The following SCARA5 variants were observed in gnomAD, a reference collection of about 807,000 sequenced individuals.
The protein encoded by SCARA5 is scavenger receptor class A member 5.
SCARA5 carries 45 observed loss-of-function variants against 46.3 expected under a neutral mutation model. The ratio of observed to expected loss-of-function variants is 0.97; its 90% CI spans 0.76 to 1.24. The LOEUF is 1.24. Ranked by LOEUF, SCARA5 falls within the 50% of genes most tolerant of loss-of-function variation. The pLI is 0.00. For synonymous variants in SCARA5, 333 were observed against 306.5 expected, an observed-to-expected ratio of 1.09 and a Z score of -0.90; for missense variants, 680 against 689.0, an observed-to-expected ratio of 0.99 and a Z score of 0.15.
rs1399067563 is a variant in SCARA5 at position 27,926,735 on chromosome 8, G to T, written c.242-4490C>A. Among the ~76,000 whole-genome samples the T allele has an allele frequency of 2.0e-5, 3 of 152,138 alleles. No individual in the cohort carries two copies. The South Asian group carries it at 6.2e-4, about 31-fold the overall frequency. The stretch of plus-strand genomic sequence containing the variant: ...TGTGAGATGGTGAGAATCCTGAGAG[G>T]TTTCTTTCAGGTAAGAAAACCTGAG... On this transcript the variant is annotated intron_variant, in intron 3 of 8. Transcript: ENST00000354914.
intron 7 of SCARA5, among the ~76,000 whole-genome samples, chr8:27,890,672 C>T (rs891463445): frequency 2.6e-5 from 4 of 152,112 alleles, no homozygotes; most frequent in African/African-American, 9.6e-5. Context: ...CAGATCCCAC[C>T]TGCTCAGGGT....
chr8:27,872,442 C>T (rs575708933), intron 8 of SCARA5, among the ~76,000 whole-genome samples: 1 of 152,314 alleles, frequency 6.6e-6, no homozygotes, highest in African/African-American at 2.4e-5. Context: ...AACATTTAAA[C>T]CACTTCCCTG....
chr8:27,944,084 G>A (rs191979669), intron 3 of SCARA5, among the ~76,000 whole-genome samples: 1 of 152,304 alleles, frequency 6.6e-6, no homozygotes, highest in Non-Finnish European at 1.5e-5. Flanking sequence ...TTAAAGGACA[G>A]GATAGCAAGC....
intron 3 of SCARA5, among the ~76,000 whole-genome samples, chr8:27,955,242 G>A (rs1037491035): frequency 1.3e-5 from 2 of 152,178 alleles, no homozygotes; most frequent in Non-Finnish European, 2.9e-5. Flanking sequence ...AACACAGCGA[G>A]GGACCCTGGG....
chr8:27,939,929 A>T (rs1267379653), intron 3 of SCARA5, among the ~76,000 whole-genome samples: 2 of 152,184 alleles, frequency 1.3e-5, no homozygotes. Flanking sequence ...TTGCCCTAGC[A>T]AGAGACTCCC....
At chr8:27,930,173 A>ATGT (rs1429705053) in intron 3 of SCARA5, among the ~76,000 whole-genome samples, 1 of 152,030 alleles carries the variant, frequency 6.6e-6, no homozygotes, top group Non-Finnish European at 1.5e-5. Context: ...TATCTCCCAC[A>ATGT]ATTTCCATGT....
chr8:27,890,714 G>A (rs561857101), intron 7 of SCARA5, among the ~76,000 whole-genome samples: 40 of 152,346 alleles, frequency 2.6e-4, no homozygotes, highest in African/African-American at 7.0e-4. Flanking sequence ...GCCCCAGCAC[G>A]GAGGCCACAG....
chr8:27,886,856 T>G (rs1034493880), intron 7 of SCARA5, among the ~76,000 whole-genome samples: 1 of 152,182 alleles, frequency 6.6e-6, no homozygotes, highest in South Asian at 2.1e-4. Flanking sequence ...AAGTGGTGAC[T>G]GAGAGGCAGC....
At chr8:27,988,261 AAGGGACACCC>A (rs1161262739) in intron 1 of SCARA5, among the ~76,000 whole-genome samples, 3 of 152,152 alleles carry the variant, frequency 2.0e-5, no homozygotes, top group Non-Finnish European at 4.4e-5. Context: ...GGAGCCTCTG[AAGGGACACCC>A]AGGCACTAAG....
At chr8:27,938,638 C>G (rs2129863898) in intron 3 of SCARA5, among the ~76,000 whole-genome samples, 1 of 152,280 alleles carries the variant, frequency 6.6e-6, no homozygotes, top group Non-Finnish European at 1.5e-5. Flanking sequence ...AAGCCTCTGC[C>G]TACAATGAAT....
intron 7 of SCARA5, among the ~76,000 whole-genome samples, chr8:27,882,490 G>C (rs1028463338): frequency 6.6e-6 from 1 of 152,226 alleles, no homozygotes; most frequent in Non-Finnish European, 1.5e-5. Flanking sequence ...GAGGGTGTAG[G>C]AGAAATAGGA....
intron 4 of SCARA5, among the ~76,000 whole-genome samples, chr8:27,918,662 G>C (rs1807513236): frequency 1.1e-3 from 4 of 3,592 alleles, no homozygotes; most frequent in Non-Finnish European, 2.3e-3. Context: ...AAAGGAAGAT[G>C]AGGAGGAAAA....
chr8:27,877,327 C>T (rs746373809), intron 8 of SCARA5, among the ~76,000 whole-genome samples: 7 of 152,138 alleles, frequency 4.6e-5, no homozygotes, highest in Non-Finnish European at 1.0e-4. Context: ...ATAGGGCATT[C>T]GTGAAAGCAA....
chr8:27,890,955 G>A (rs1806971241), intron 7 of SCARA5, among the ~76,000 whole-genome samples: 1 of 152,196 alleles, frequency 6.6e-6, no homozygotes, highest in Non-Finnish European at 1.5e-5. Flanking sequence ...AGCGTGGTGG[G>A]TGAGGGGAGC....
At chr8:27,967,122 C>G (rs909695537) in intron 2 of SCARA5, among the ~76,000 whole-genome samples, 10 of 152,216 alleles carry the variant, frequency 6.6e-5, no homozygotes, top group African/African-American at 2.4e-4. Context: ...ACACAAAACA[C>G]TGGGGAGTGT....
intron 2 of SCARA5, among the ~76,000 whole-genome samples, chr8:27,985,202 G>A (rs555327663): frequency 1.3e-5 from 2 of 152,288 alleles, no homozygotes; most frequent in East Asian, 3.9e-4. Flanking sequence ...AAGGAAAAAA[G>A]AGTCAGGGAA....
intron 4 of SCARA5, among the ~76,000 whole-genome samples, chr8:27,919,129 G>C (rs1300114903): frequency 1.3e-5 from 2 of 149,974 alleles, no homozygotes; most frequent in Admixed American, 1.3e-4. Flanking sequence ...AGGAAGAAAA[G>C]GAGGAGAAGG....
At chr8:27,957,341 A>G (rs1456664674) in intron 3 of SCARA5, among the ~76,000 whole-genome samples, 2 of 152,272 alleles carry the variant, frequency 1.3e-5, no homozygotes, top group Non-Finnish European at 2.9e-5. Context: ...ATCACTTAAC[A>G]AACACCAATG....
Position 27,876,059 on chromosome 8 carries a change from C to T in SCARA5, c.1351+3510G>A, listed in dbSNP as rs372700996. On this transcript the variant is annotated intron_variant, in intron 8 of 8. Coordinates refer to ENST00000354914, the MANE Select transcript of SCARA5 (RefSeq NM_173833.6). ...TGAGAAGGAAGGCCACAGGAGCTAG[C>T]CTGCAGGTGTGGTGGCCGTGAGGAG... Among the ~76,000 whole-genome samples the T allele has an allele frequency of 2.2e-3, 333 of 152,244 alleles. 1 individual carries two copies. Among genetic ancestry groups the T allele is most frequent in the African/African-American group, 7.7e-3 (318 of 41,528 alleles).
Sources: allele counts gnomAD v4.1 joint callset (sites outside exome capture counted in the v4.1 genomes callset), GRCh38; gene constraint gnomAD v4.1.1; transcripts MANE v1.5; gene names NCBI Gene and HGNC (gene_info 2026-07-23, HGNC 2026-07-21).